Variants in REDIC1 observed in about 807,000 individuals in gnomAD.
REDIC1 encodes HEI10 Interacting Protein 1.
the REDIC1 span, among the ~76,000 whole-genome samples, chr12:39,719,221 A>G: frequency 6.6e-6 from 1 of 152,122 alleles, no homozygotes; most frequent in Non-Finnish European, 1.5e-5. Context: ...AACTAGTTCC[A>G]TTCCCTGAAA....
the REDIC1 span, among the ~76,000 whole-genome samples, chr12:39,693,928 T>C: frequency 0.015 from 2,347 of 152,284 alleles, 56 homozygotes; most frequent in African/African-American, 0.051. Flanking sequence ...CCAATAGCAA[T>C]GTACATTTTA....
the REDIC1 span, among the ~76,000 whole-genome samples, chr12:39,700,042 C>T: frequency 3.3e-5 from 5 of 151,948 alleles, no homozygotes; most frequent in Admixed American, 3.3e-4. Context: ...CTCTCCTCCT[C>T]CAAAGGAACG....
chr12:39,717,555 A>G, the REDIC1 span, among the ~76,000 whole-genome samples: 3 of 152,008 alleles, frequency 2.0e-5, no homozygotes, highest in Non-Finnish European at 4.4e-5. Context: ...TTGGTAGCAT[A>G]GGCAGAAGAG....
the REDIC1 span, among the ~76,000 whole-genome samples, chr12:39,690,925 C>A: frequency 6.6e-6 from 1 of 152,072 alleles, no homozygotes; most frequent in African/African-American, 2.4e-5. Flanking sequence ...TGCAGGCCTG[C>A]CGTGGGGTCT....
chr12:39,900,142 C>T, the REDIC1 span, among the ~76,000 whole-genome samples: 2 of 128,300 alleles, frequency 1.6e-5, no homozygotes, highest in East Asian at 3.7e-4. Flanking sequence ...ATTCAACAAC[C>T]CTTCAGGCTA....
the REDIC1 span, among the ~76,000 whole-genome samples, chr12:39,810,883 G>C: frequency 3.9e-5 from 6 of 152,034 alleles, no homozygotes; most frequent in African/African-American, 1.4e-4. Context: ...TTCATCTATA[G>C]TTTTTCTTTC....
At chr12:39,729,801 T>C in the REDIC1 span, among the ~76,000 whole-genome samples, 1 of 152,206 alleles carries the variant, frequency 6.6e-6, no homozygotes, top group Admixed American at 6.5e-5. Flanking sequence ...TATAAGTCTC[T>C]TTGTAGATCT....
chr12:39,902,020 G>A, the REDIC1 span, among the ~76,000 whole-genome samples: 1 of 151,926 alleles, frequency 6.6e-6, no homozygotes. Flanking sequence ...CCAGAAAAAA[G>A]GATGAGTTCA....
chr12:39,712,150 A>ATCCATGTATATG, the REDIC1 span, among the ~76,000 whole-genome samples: 1 of 22,052 alleles, frequency 4.5e-5, no homozygotes, highest in South Asian at 1.3e-3. Flanking sequence ...ACATACATCT[A>ATCCATGTATATG]TACATGTATA....
chr12:39,713,246 ACACACACATACG>A, the REDIC1 span, among the ~76,000 whole-genome samples: 2 of 59,390 alleles, frequency 3.4e-5, no homozygotes, highest in African/African-American at 1.6e-4. Flanking sequence ...ATATATGTGT[ACACACACATACG>A]TGTATATATG....
At chr12:39,712,770 T>C in the REDIC1 span, among the ~76,000 whole-genome samples, 2 of 146,946 alleles carry the variant, frequency 1.4e-5, no homozygotes, top group Non-Finnish European at 3.0e-5. Flanking sequence ...TATACGTATG[T>C]ATACATGTGT....
At chr12:39,706,180 C>G in the REDIC1 span, among the ~76,000 whole-genome samples, 1 of 151,796 alleles carries the variant, frequency 6.6e-6, no homozygotes, top group Non-Finnish European at 1.5e-5. Flanking sequence ...AGTGAACAGT[C>G]TGAAAAAAAT....
At chr12:39,722,044 C>T in the REDIC1 span, 1 of 151,980 alleles carries the variant, frequency 6.6e-6, no homozygotes, top group South Asian at 2.1e-4. Flanking sequence ...AAAATTGACA[C>T]TTGTTTTGAT....
chr12:39,749,574 G>T, the REDIC1 span, among the ~76,000 whole-genome samples: 1 of 152,170 alleles, frequency 6.6e-6, no homozygotes, highest in African/African-American at 2.4e-5. Context: ...ATTTTATGAG[G>T]CCAGCATCAT....
the REDIC1 span, among the ~76,000 whole-genome samples, chr12:39,903,958 G>A: frequency 2.0e-5 from 3 of 152,152 alleles, no homozygotes; most frequent in East Asian, 5.8e-4. Flanking sequence ...ACAGGATACT[G>A]CTATTTATCA....
chr12:39,886,432 T>C, the REDIC1 span, among the ~76,000 whole-genome samples: 2 of 152,088 alleles, frequency 1.3e-5, no homozygotes, highest in Admixed American at 6.5e-5. Context: ...AAAATCTATA[T>C]GTATATATGA....
chr12:39,635,576 A>G, the REDIC1 span, among the ~76,000 whole-genome samples: 1 of 139,994 alleles, frequency 7.1e-6, no homozygotes, highest in African/African-American at 2.6e-5. Flanking sequence ...TCTCATTCAT[A>G]GGTGGGAGTT....
At chr12:39,691,281 G>A in the REDIC1 span, among the ~76,000 whole-genome samples, 1 of 152,156 alleles carries the variant, frequency 6.6e-6, no homozygotes. Context: ...AGGGAGTCAG[G>A]TTTGGGAAGC....
the REDIC1 span, among the ~76,000 whole-genome samples, chr12:39,748,385 A>G: frequency 1.3e-5 from 2 of 152,250 alleles, no homozygotes; most frequent in African/African-American, 4.8e-5. Flanking sequence ...TTAAATATAT[A>G]TGCACCCAAT....
Sources: allele counts gnomAD v4.1 joint callset (sites outside exome capture counted in the v4.1 genomes callset), GRCh38; gene constraint gnomAD v4.1.1; transcripts MANE v1.5; gene names NCBI Gene and HGNC (gene_info 2026-07-23, HGNC 2026-07-21).